The following CNR2 variants were observed in gnomAD, a reference collection of about 807,000 sequenced individuals.
CNR2 encodes the protein cannabinoid receptor 2.
For missense variants in CNR2, 379 were observed against 439.9 expected, an observed-to-expected ratio of 0.86 and a Z score of 1.24; for synonymous variants, 172 against 182.2, an observed-to-expected ratio of 0.94 and a Z score of 0.45.
chr1:23,901,851 T>C, intron 1 of CNR2: 1 of 1,609,526 alleles, frequency 6.2e-7, no homozygotes, highest in Non-Finnish European at 8.5e-7. Flanking sequence ...GCAAACTGGA[T>C]GCTGTCGCAG....
rs567632758 is a variant in CNR2 at position 23,898,112 on chromosome 1, C to T, written c.-46+15134G>A. On this transcript the variant is annotated intron_variant, in intron 1 of 1. Coordinates refer to ENST00000374472, the MANE Select transcript of CNR2 (RefSeq NM_001841.3). Reference sequence around the variant, plus strand: ...TGCGATCTTGGCTCACTGCAAGCTCCGCCTCCTGGGTTCACGCCATTCTCC... The same window carrying T: ...TGCGATCTTGGCTCACTGCAAGCTCTGCCTCCTGGGTTCACGCCATTCTCC... Among the ~76,000 whole-genome samples, 365 of 151,872 alleles carry T rather than the reference C, an allele frequency of 2.4e-3. 1 individual carries two copies. Among genetic ancestry groups the T allele is most frequent in the Non-Finnish European group, 4.1e-3 (279 of 67,960 alleles).
intron 1 of CNR2, among the ~76,000 whole-genome samples, chr1:23,881,530 C>T (rs181769468): frequency 4.6e-5 from 7 of 150,672 alleles, no homozygotes; most frequent in African/African-American, 1.7e-4. Context: ...GAGGCGGAGG[C>T]TGCAATGAGC....
intron 1 of CNR2, among the ~76,000 whole-genome samples, chr1:23,887,192 C>T (rs1168702529): frequency 6.6e-6 from 1 of 152,210 alleles, no homozygotes; most frequent in African/African-American, 2.4e-5. Flanking sequence ...CACCTCTCCA[C>T]CCTGGTCACT....
chr1:23,903,047 G>A (rs1236748877), intron 1 of CNR2, among the ~76,000 whole-genome samples: 6 of 149,458 alleles, frequency 4.0e-5, no homozygotes, highest in African/African-American at 1.5e-4. Context: ...GCGACGCGGC[G>A]GTGATGGCAG....
intron 1 of CNR2, among the ~76,000 whole-genome samples, chr1:23,879,742 A>T (rs1639946523): frequency 6.6e-6 from 1 of 152,242 alleles, no homozygotes; most frequent in Admixed American, 6.5e-5. Context: ...GGCTTAAAAA[A>T]AAAACCAGGC....
At chr1:23,900,179 C>T (rs940983663) in intron 1 of CNR2, among the ~76,000 whole-genome samples, 1 of 151,918 alleles carries the variant, frequency 6.6e-6, no homozygotes. Flanking sequence ...CAGGAACTGA[C>T]TCAGCGCAAG....
At chr1:23,889,133 T>C (rs1640143147) in intron 1 of CNR2, among the ~76,000 whole-genome samples, 1 of 152,158 alleles carries the variant, frequency 6.6e-6, no homozygotes, top group South Asian at 2.1e-4. Flanking sequence ...GCCTACAGCC[T>C]GGTTCATACT....
intron 1 of CNR2, among the ~76,000 whole-genome samples, chr1:23,886,758 C>T (rs558276972): frequency 5.3e-5 from 8 of 152,318 alleles, no homozygotes; most frequent in Admixed American, 2.6e-4. Context: ...TATAATTTGC[C>T]TAAGGTCACC....
At chr1:23,878,452 T>C (rs1311626285) in intron 1 of CNR2, among the ~76,000 whole-genome samples, 1 of 151,890 alleles carries the variant, frequency 6.6e-6, no homozygotes, top group Middle Eastern at 3.2e-3. Context: ...GAATTTTTTT[T>C]TTTTTGAGAC....
At chr1:23,882,866 C>G (rs1015337558) in intron 1 of CNR2, among the ~76,000 whole-genome samples, 1 of 151,884 alleles carries the variant, frequency 6.6e-6, no homozygotes, top group African/African-American at 2.4e-5. Context: ...GATAAAAAAG[C>G]CTCATGAGCT....
intron 1 of CNR2, among the ~76,000 whole-genome samples, chr1:23,912,301 G>A (rs1178972330): frequency 1.3e-5 from 2 of 152,170 alleles, no homozygotes; most frequent in Non-Finnish European, 2.9e-5. Context: ...CAGACCCCTG[G>A]CCTCCTGAGT....
At chr1:23,904,169 C>A (rs1199879928) in intron 1 of CNR2, among the ~76,000 whole-genome samples, 1 of 150,252 alleles carries the variant, frequency 6.7e-6, no homozygotes, top group African/African-American at 2.4e-5. Context: ...TTTTTTTGTT[C>A]GTTTCATTGT....
intron 1 of CNR2, among the ~76,000 whole-genome samples, chr1:23,892,039 A>G (rs952392518): frequency 6.6e-6 from 1 of 152,170 alleles, no homozygotes; most frequent in Non-Finnish European, 1.5e-5. Context: ...GACACTTCTC[A>G]CCACTCCAAG....
At chr1:23,904,600 T>C (rs1640457537) in intron 1 of CNR2, among the ~76,000 whole-genome samples, 1 of 141,466 alleles carries the variant, frequency 7.1e-6, no homozygotes, top group Non-Finnish European at 1.6e-5. Context: ...TGTGGATCTC[T>C]TTCACCCTGA....
chr1:23,902,414 G>A, intron 1 of CNR2: 3 of 1,588,862 alleles, frequency 1.9e-6, no homozygotes, highest in Non-Finnish European at 2.6e-6. Flanking sequence ...AGTTGACGCA[G>A]GCTTTTGCCA....
At chr1:23,906,645 G>C (rs1476399473) in intron 1 of CNR2, among the ~76,000 whole-genome samples, 2 of 149,274 alleles carry the variant, frequency 1.3e-5, no homozygotes, top group East Asian at 2.0e-4. Context: ...ACTTCCCAAA[G>C]TGCTGGGATT....
chr1:23,901,841 G>T, intron 1 of CNR2: 3 of 1,608,782 alleles, frequency 1.9e-6, no homozygotes, highest in Non-Finnish European at 2.6e-6. Flanking sequence ...TCTGTCCACT[G>T]CAAACTGGAT....
At chr1:23,885,246 CAG>C (rs1013821550) in intron 1 of CNR2, among the ~76,000 whole-genome samples, 6 of 148,370 alleles carry the variant, frequency 4.0e-5, no homozygotes, top group African/African-American at 1.5e-4. Flanking sequence ...GCCTGGTTGA[CAG>C]AGAAAGACCA....
intron 1 of CNR2, among the ~76,000 whole-genome samples, chr1:23,903,352 A>C (rs1384758366): frequency 6.6e-6 from 1 of 151,982 alleles, no homozygotes; most frequent in Non-Finnish European, 1.5e-5. Context: ...AGGTGGGAGG[A>C]GCGGTTGGGC....
Sources: gnomAD v4.1 joint callset for allele counts (sites outside exome capture counted in the v4.1 genomes callset) on GRCh38, gnomAD v4.1.1 for gene constraint, MANE v1.5 for transcripts, NCBI Gene and HGNC (gene_info 2026-07-23, HGNC 2026-07-21) for gene names.